The following CCSER1 variants were observed in gnomAD, a reference collection of about 807,000 sequenced individuals.
CCSER1 encodes coiled-coil serine rich protein 1, also known as serine-rich coiled-coil domain-containing protein 1.
CCSER1 carries 41 observed loss-of-function variants against 82.0 expected under a neutral mutation model. The observed-to-expected ratio is 0.50, with a 90% CI of 0.39 to 0.65. CCSER1 has a LOEUF of 0.65. Among genes scored for constraint, CCSER1 ranks in the 30% least tolerant of loss-of-function variants. The probability of loss-of-function intolerance (pLI) is 0.00; values close to 1 mark genes in which losing one functional copy is unlikely to be tolerated. For missense variants in CCSER1, 1,119 were observed against 1,064.2 expected (o/e 1.05, Z -0.72); for synonymous variants, 414 against 383.9 (o/e 1.08, Z -0.92).
intron 10 of CCSER1, among the ~76,000 whole-genome samples, chr4:91,162,858 T>G (rs1201288101): frequency 1.3e-5 from 2 of 152,182 alleles, no homozygotes; most frequent in East Asian, 3.9e-4. Context: ...ACTATCAATT[T>G]TGTTGATCTT....
chr4:90,495,332 G>T (rs1768821124), intron 5 of CCSER1, among the ~76,000 whole-genome samples: 1 of 152,074 alleles, frequency 6.6e-6, no homozygotes, highest in Admixed American at 6.6e-5. Flanking sequence ...TTATGAATTT[G>T]ACATGCATTA....
chr4:90,359,897 G>GTA (rs199858338), intron 3 of CCSER1, among the ~76,000 whole-genome samples: 1,499 of 143,540 alleles, frequency 0.01, 16 homozygotes, highest in Non-Finnish European at 0.013. Context: ...ATGTGTGTGT[G>GTA]TATATATATA....
intron 9 of CCSER1, among the ~76,000 whole-genome samples, chr4:90,929,459 A>G (rs1196873226): frequency 2.6e-5 from 4 of 152,216 alleles, no homozygotes; most frequent in Non-Finnish European, 4.4e-5. Flanking sequence ...ATGTCTAAAC[A>G]TAAGTGCCAA....
At chr4:91,385,768 A>T (rs1032742863) in intron 10 of CCSER1, among the ~76,000 whole-genome samples, 3 of 151,978 alleles carry the variant, frequency 2.0e-5, no homozygotes, top group African/African-American at 7.2e-5. Context: ...GGTATTGGTA[A>T]AGCAATTCCA....
intron 10 of CCSER1, among the ~76,000 whole-genome samples, chr4:91,332,747 T>G (rs1399612416): frequency 6.6e-6 from 1 of 151,986 alleles, no homozygotes; most frequent in African/African-American, 2.4e-5. Context: ...TGTATACTGC[T>G]AATTCAGTTT....
chr4:90,236,111 T>G (rs1314126377), intron 1 of CCSER1, among the ~76,000 whole-genome samples: 2 of 152,004 alleles, frequency 1.3e-5, no homozygotes, highest in Non-Finnish European at 2.9e-5. Flanking sequence ...CTTGGCTAAT[T>G]TTTAATTTTT....
chr4:91,209,941 T>C (rs1736671343), intron 10 of CCSER1, among the ~76,000 whole-genome samples: 1 of 151,802 alleles, frequency 6.6e-6, no homozygotes, highest in Non-Finnish European at 1.5e-5. Context: ...GCAATGAGCA[T>C]ACCTACCACC....
intron 10 of CCSER1, among the ~76,000 whole-genome samples, chr4:91,583,654 GT>G (rs1316843760): frequency 2.0e-5 from 3 of 151,572 alleles, no homozygotes; most frequent in Non-Finnish European, 3.0e-5. Context: ...TGGAGTTTTG[GT>G]TTTTCATGAT....
intron 10 of CCSER1, among the ~76,000 whole-genome samples, chr4:91,521,170 T>A (rs1436527902): frequency 2.6e-5 from 4 of 152,192 alleles, no homozygotes; most frequent in Non-Finnish European, 5.9e-5. Context: ...TTGCTGAGAA[T>A]GATGGTTTAC....
At chr4:91,168,904 A>G (rs1354271943) in intron 10 of CCSER1, among the ~76,000 whole-genome samples, 1 of 152,130 alleles carries the variant, frequency 6.6e-6, no homozygotes, top group Admixed American at 6.5e-5. Context: ...CCTTACCCCC[A>G]ACCCCGTGCT....
At chr4:90,218,760 C>T (rs1741580179) in intron 1 of CCSER1, among the ~76,000 whole-genome samples, 1 of 152,090 alleles carries the variant, frequency 6.6e-6, no homozygotes, top group African/African-American at 2.4e-5. Flanking sequence ...GTGACTCATG[C>T]CTGTAATTCC....
chr4:91,593,464 G>C (rs964957834), intron 10 of CCSER1, among the ~76,000 whole-genome samples: 1 of 110,726 alleles, frequency 9.0e-6, no homozygotes, highest in Admixed American at 9.5e-5. Context: ...TTTCAACCCC[G>C]TGCTTTTTTT....
At chr4:91,079,645 C>T (rs1722459138) in intron 9 of CCSER1, among the ~76,000 whole-genome samples, 3 of 152,066 alleles carry the variant, frequency 2.0e-5, no homozygotes, top group African/African-American at 4.8e-5. Flanking sequence ...ACAGTCAGGA[C>T]CCATCAGTGT....
At chr4:91,044,704 C>A (rs1272805748) in intron 9 of CCSER1, among the ~76,000 whole-genome samples, 1 of 152,206 alleles carries the variant, frequency 6.6e-6, no homozygotes, top group Non-Finnish European at 1.5e-5. Context: ...CCAACCTACT[C>A]CCAATCCCTG....
chr4:90,931,125 T>G lies in CCSER1; in HGVS notation c.2172+7678T>G, dbSNP rs191030923. Among the ~76,000 whole-genome samples the G allele has an allele frequency of 6.8e-4, 102 of 150,760 alleles. 1 individual carries two copies. Among genetic ancestry groups the G allele is most frequent in the African/African-American group, 2.3e-3 (94 of 41,280 alleles). On this transcript the variant is annotated intron_variant, in intron 9 of 10. Transcript: ENST00000509176. ...TTGAAATATGTCATTGAAATATATA[T>G]CTGTACATACACACCAAAACATCGT...
chr4:91,425,405 C>T (rs182956307), intron 10 of CCSER1, among the ~76,000 whole-genome samples: 7 of 152,090 alleles, frequency 4.6e-5, no homozygotes, highest in Admixed American at 6.5e-5. Flanking sequence ...TATAATTACA[C>T]GTTCTTATGA....
chr4:90,704,026 G>C (rs1050345862), intron 6 of CCSER1, among the ~76,000 whole-genome samples: 8 of 151,950 alleles, frequency 5.3e-5, no homozygotes, highest in African/African-American at 1.9e-4. Context: ...ATGATGTTAG[G>C]TGTTTATTTT....
chr4:91,270,050 T>C (rs1244004169), intron 10 of CCSER1, among the ~76,000 whole-genome samples: 1 of 152,230 alleles, frequency 6.6e-6, no homozygotes, highest in African/African-American at 2.4e-5. Flanking sequence ...CGCAGAGATA[T>C]TAATGTCTTT....
At chr4:91,294,108 T>G (rs963894825) in intron 10 of CCSER1, among the ~76,000 whole-genome samples, 10 of 151,976 alleles carry the variant, frequency 6.6e-5, no homozygotes, top group Admixed American at 1.3e-4. Flanking sequence ...GAAAATTGTG[T>G]GTCTGACTTC....
Sources: gnomAD v4.1 joint callset for allele counts (sites outside exome capture counted in the v4.1 genomes callset) on GRCh38, gnomAD v4.1.1 for gene constraint, MANE v1.5 for transcripts, NCBI Gene and HGNC (gene_info 2026-07-23, HGNC 2026-07-21) for gene names.